FBRSL1: variants seen among roughly 807,000 people sequenced by gnomAD.
FBRSL1 encodes fibrosin-1-like protein.
FBRSL1 carries 51 observed loss-of-function variants against 89.6 expected under a neutral mutation model. That is an observed-to-expected ratio of 0.57 (90% CI 0.45 to 0.72). The LOEUF is 0.72. Among genes scored for constraint, FBRSL1 ranks in the 30% least tolerant of loss-of-function variants. The pLI, the probability that FBRSL1 is intolerant of heterozygous loss-of-function variation, is 0.00. For synonymous variants in FBRSL1, 779 were observed against 681.1 expected (o/e 1.14, Z -2.24); for missense variants, 1,618 against 1,451.8 (o/e 1.11, Z -1.86).
intron 2 of FBRSL1, among the ~76,000 whole-genome samples, chr12:132,522,264 G>A (rs1479816427): frequency 2.0e-5 from 3 of 152,158 alleles, no homozygotes; most frequent in South Asian, 2.1e-4. Context: ...CTGAGCCCCC[G>A]ACTGAGCCCG....
At chr12:132,510,129 C>T (rs535109571) in intron 2 of FBRSL1, 19 of 1,224,992 alleles carry the variant, frequency 1.6e-5, no homozygotes, top group Admixed American at 4.2e-5. Flanking sequence ...CCCACCCAAG[C>T]GGCCGCTCAT....
intron 5 of FBRSL1, among the ~76,000 whole-genome samples, chr12:132,555,675 C>A (rs537044560): frequency 1.1e-4 from 17 of 152,238 alleles, no homozygotes; most frequent in Non-Finnish European, 2.2e-4. Context: ...CTGCTGACTC[C>A]GGCATCCCTG....
intron 11 of FBRSL1, among the ~76,000 whole-genome samples, chr12:132,573,199 G>T (rs4883515): frequency 0.72 from 109,103 of 152,114 alleles, 39,289 homozygotes; most frequent in East Asian, 0.83. Context: ...TCCTGAAGCC[G>T]CCTCACCTGT....
intron 2 of FBRSL1, among the ~76,000 whole-genome samples, chr12:132,518,704 A>C (rs1352476741): frequency 2.1e-5 from 3 of 146,212 alleles, no homozygotes; most frequent in Non-Finnish European, 4.5e-5. Flanking sequence ...CCATCTGTCC[A>C]TCCATCCACT....
chr12:132,508,609 C>T (rs895139561), intron 2 of FBRSL1, among the ~76,000 whole-genome samples: 10 of 152,222 alleles, frequency 6.6e-5, no homozygotes, highest in Admixed American at 2.6e-4. Context: ...GCAAGGCGCG[C>T]GTTCCGGGCT....
Position 132,584,515 on chromosome 12 carries a change from A to G in FBRSL1, c.*737A>G, listed in dbSNP as rs1566263350. ...GGCGCTGCTGGCTGTAAACATTATC[A>G]GAAGTTTAATGGCAGCAACTTTCCT... On this transcript the variant is annotated 3_prime_UTR_variant, in exon 19 of 19. Coordinates refer to ENST00000680143, the MANE Select transcript of FBRSL1 (RefSeq NM_001367871.1). 6.6e-6 allele frequency: 1 copy of G among 152,254 alleles called. No individual in the cohort carries two copies. Among genetic ancestry groups the G allele is most frequent in the African/African-American group, 2.4e-5 (1 of 41,470 alleles). The allele number at this position is 152,254 out of a possible 1,614,324, so 9.4% of individuals were successfully genotyped here. A position where few individuals can be genotyped will look rare whatever the true frequency, so the allele number is the denominator to read the frequency against.
intron 6 of FBRSL1, 30 bp from the exon 7 acceptor site, chr12:132,569,896 G>C (rs896004402): frequency 2.2e-6 from 3 of 1,360,582 alleles, no homozygotes; most frequent in African/African-American, 1.5e-5. Context: ...AGGCCCTGCT[G>C]GTCTGAACGC....
chr12:132,535,779 G>A (rs778312450), intron 4 of FBRSL1, among the ~76,000 whole-genome samples: 13 of 151,520 alleles, frequency 8.6e-5, no homozygotes, highest in Admixed American at 3.3e-4. Flanking sequence ...GTGAGTGCAC[G>A]TGTGTCCATG....
chr12:132,512,921 C>G (rs575343692), intron 2 of FBRSL1, among the ~76,000 whole-genome samples: 1 of 152,302 alleles, frequency 6.6e-6, no homozygotes, highest in African/African-American at 2.4e-5. Context: ...GCCTCCAGCT[C>G]GAACCCACTG....
chr12:132,580,779 C>T lies in FBRSL1; in HGVS notation c.1835-660C>T, dbSNP rs1268554964. 4.1e-6 allele frequency: 4 copies of T among 985,332 alleles called. No individual in the cohort carries two copies. The Admixed American group carries it at 2.5e-4, about 61-fold the overall frequency. The allele number at this position is 985,332 out of a possible 1,614,324, so 61.0% of individuals were successfully genotyped here. A position where few individuals can be genotyped will look rare whatever the true frequency, so the allele number is the denominator to read the frequency against. Reference sequence around the variant, plus strand: ...GTCGGAGTAACCTAAAGATGACGCCCTGCTGGTCTTTACCAGAAACCTGCT... The same window carrying T: ...GTCGGAGTAACCTAAAGATGACGCCTTGCTGGTCTTTACCAGAAACCTGCT... On this transcript the variant is annotated intron_variant, in intron 15 of 18. Transcript: ENST00000680143.
intron 2 of FBRSL1, chr12:132,510,584 G>T (rs1271413920): frequency 1.6e-6 from 2 of 1,230,812 alleles, no homozygotes; most frequent in Non-Finnish European, 2.0e-6. Context: ...GCCTTGTCTA[G>T]ACAGGGCTGA....
At chr12:132,572,168 C>T in intron 9 of FBRSL1, 120 bp from the exon 10 acceptor site, 1 of 889,396 alleles carries the variant, frequency 1.1e-6, no homozygotes. Flanking sequence ...GCCGAAGCCG[C>T]CAGCCTCAGG....
chr12:132,583,432 G>T lies in FBRSL1; in HGVS notation c.2663G>T (p.Arg888Leu). 9.3e-7 allele frequency: 1 copy of T among 1,071,860 alleles called. No homozygotes were observed. The highest frequency in any genetic ancestry group is 5.7e-5 in the Admixed American group (1 of 17,598). 66.4% of individuals were successfully genotyped at this position (1,071,860 alleles called of 1,614,324 possible). The change falls in exon 19 of 19, where the codon CGC becomes CTC. Residue 888 changes from arginine (R) to leucine (L), a missense_variant. Physicochemically the swap from Arg to Leu is moderately radical, Grantham distance 102. Transcript: ENST00000680143. ...CCCCCGGAGCGCCCCTACCGCGACC[G>T]CGAGCCCCACGGCTACAGCCCCGAG... is the stretch of plus-strand genomic sequence containing the variant. ...LEPPERPYRD[R>L]EPHGYSPERL... is the part of the protein sequence containing the mutation.
intron 11 of FBRSL1, among the ~76,000 whole-genome samples, 164 bp from the exon 12 acceptor site, chr12:132,573,926 G>A (rs2040212968): frequency 6.6e-6 from 1 of 152,192 alleles, no homozygotes; most frequent in Admixed American, 6.5e-5. Flanking sequence ...GGCCAAAAGT[G>A]TGGTGGTCCT....
At position 132,583,366 on chromosome 12, in the gene FBRSL1, C is replaced by A; in HGVS notation, c.2597C>A (p.Pro866His). ...CTGGAGCTGCCACGTCGCGCCTTCC[C>A]CGCTGCCGCCCCCGCCCCGGGCTCC... is the stretch of plus-strand genomic sequence containing the variant. ...RGLELPRRAFPAAAPAPGSAA... is the reference protein window; with the variant it reads ...RGLELPRRAFHAAAPAPGSAA... Residue 866 changes from proline (P) to histidine (H), a missense_variant, in exon 19 of 19, where the codon CCC (proline) becomes CAC (histidine). Transcript: ENST00000680143. The A allele has an allele frequency of 9.0e-7, 1 of 1,114,186 alleles. No homozygotes were observed. The highest frequency in any genetic ancestry group is 2.9e-5 in the South Asian group (1 of 34,694). The allele number at this position is 1,114,186 out of a possible 1,614,324, so 69.0% of individuals were successfully genotyped here.
At chr12:132,495,163 C>T (rs1479864734) in intron 1 of FBRSL1, among the ~76,000 whole-genome samples, 2 of 152,232 alleles carry the variant, frequency 1.3e-5, no homozygotes, top group Non-Finnish European at 2.9e-5. Context: ...CACTGCCCTG[C>T]CCTGCATCCT....
chr12:132,506,855 C>T (rs905969405), intron 1 of FBRSL1, among the ~76,000 whole-genome samples: 2 of 152,138 alleles, frequency 1.3e-5, no homozygotes, highest in Admixed American at 1.3e-4. Flanking sequence ...AGCTGGGCCT[C>T]GGGGAGGCAA....
chr12:132,494,970 G>T (rs562150398), intron 1 of FBRSL1, among the ~76,000 whole-genome samples: 4 of 152,366 alleles, frequency 2.6e-5, no homozygotes, highest in Admixed American at 6.5e-5. Context: ...TACTGATCGT[G>T]TGCGGCCCCC....
intron 17 of FBRSL1, 75 bp downstream of exon 17, chr12:132,581,899 C>G: frequency 3.6e-6 from 5 of 1,405,534 alleles, no homozygotes; most frequent in Non-Finnish European, 4.8e-6. Flanking sequence ...CTGCAGGAAC[C>G]CCGATGCCTG....
Sources: allele counts gnomAD v4.1 joint callset (sites outside exome capture counted in the v4.1 genomes callset), GRCh38; gene constraint gnomAD v4.1.1; transcripts MANE v1.5; gene names NCBI Gene and HGNC (gene_info 2026-07-23, HGNC 2026-07-21).